Variants in PTPRM observed in about 807,000 individuals in gnomAD.
PTPRM encodes the protein receptor-type tyrosine-protein phosphatase mu.
Under a neutral mutation model 186.7 loss-of-function variants are expected in PTPRM, and 47 were observed. That is an observed-to-expected ratio of 0.25 (90% confidence interval 0.20 to 0.32). The LOEUF is 0.32. Ranked by LOEUF, PTPRM falls within the 10% of genes least tolerant of loss-of-function variation. The pLI, the probability that PTPRM is intolerant of heterozygous loss-of-function variation, is 1.00. For missense variants in PTPRM, 1,494 were observed against 1,865.0 expected, an observed-to-expected ratio of 0.80 and a Z score of 3.66; for synonymous variants, 668 against 674.9, an observed-to-expected ratio of 0.99 and a Z score of 0.16.
chr18:7,772,762 A>G (rs536999773), intron 1 of PTPRM, among the ~76,000 whole-genome samples: 4 of 152,096 alleles, frequency 2.6e-5, no homozygotes, highest in South Asian at 4.1e-4. Context: ...TGTTTTACTT[A>G]TCTTCTTGCC....
chr18:7,791,897 T>A (rs1264755931), intron 2 of PTPRM, among the ~76,000 whole-genome samples: 1 of 152,216 alleles, frequency 6.6e-6, no homozygotes, highest in East Asian at 1.9e-4. Flanking sequence ...AACAACTAGA[T>A]CTTACACAAG....
At chr18:7,775,515 G>A (rs949409064) in intron 2 of PTPRM, among the ~76,000 whole-genome samples, 3 of 152,056 alleles carry the variant, frequency 2.0e-5, no homozygotes, top group African/African-American at 7.2e-5. Flanking sequence ...TCCCAAACAG[G>A]TGTCTTCCCC....
At chr18:7,910,252 A>G (rs1465309291) in intron 4 of PTPRM, among the ~76,000 whole-genome samples, 1 of 152,192 alleles carries the variant, frequency 6.6e-6, no homozygotes, top group Non-Finnish European at 1.5e-5. Flanking sequence ...AACATCCCCC[A>G]AAAGACCCAC....
chr18:7,715,980 T>C (rs1452581776), intron 1 of PTPRM, among the ~76,000 whole-genome samples: 1 of 152,194 alleles, frequency 6.6e-6, no homozygotes, highest in African/African-American at 2.4e-5. Context: ...CAAGCTACTA[T>C]TGACTTTCTT....
chr18:8,229,212 CAGG>C (rs1349278231), intron 14 of PTPRM, among the ~76,000 whole-genome samples: 1 of 151,970 alleles, frequency 6.6e-6, no homozygotes, highest in Non-Finnish European at 1.5e-5. Context: ...CACTTTCTAA[CAGG>C]AGATGTTAGA....
chr18:8,243,436 T>C (rs888799558), intron 14 of PTPRM, among the ~76,000 whole-genome samples: 1 of 152,178 alleles, frequency 6.6e-6, no homozygotes, highest in African/African-American at 2.4e-5. Context: ...GACAGGGTCA[T>C]AGCCTTTTGA....
chr18:8,248,189 C>G lies in PTPRM; in HGVS notation c.2554+13C>G, dbSNP rs778318485. 3.9e-6 allele frequency: 6 copies of G among 1,525,786 alleles called. No homozygotes were observed. The highest frequency in any genetic ancestry group is 2.2e-5 in the South Asian group (2 of 89,228). 94.5% of individuals were successfully genotyped at this position (1,525,786 alleles called of 1,614,324 possible). ...ACTGCAATTTTAGGTGAGAACATTT[C>G]CCTTTACCACAGTTTATTGCAGGAG... is the stretch of plus-strand genomic sequence containing the variant. On this transcript the variant is annotated intron_variant, in intron 17 of 32. Transcript: ENST00000580170.
At chr18:7,894,206 T>G (rs2049226448) in intron 3 of PTPRM, among the ~76,000 whole-genome samples, 1 of 152,184 alleles carries the variant, frequency 6.6e-6, no homozygotes, top group Admixed American at 6.5e-5. Flanking sequence ...ATTTCCCATA[T>G]AGATTTCTTT....
intron 21 of PTPRM, among the ~76,000 whole-genome samples, chr18:8,317,746 G>A (rs1399060910): frequency 6.6e-6 from 1 of 152,184 alleles, no homozygotes; most frequent in Non-Finnish European, 1.5e-5. Context: ...CGATGGCCAA[G>A]TAGATAAGGA....
intron 3 of PTPRM, among the ~76,000 whole-genome samples, chr18:7,890,314 C>T (rs2049007120): frequency 6.6e-6 from 1 of 152,114 alleles, no homozygotes; most frequent in Non-Finnish European, 1.5e-5. Flanking sequence ...CTTTCCAGGG[C>T]TGCTTGTCTT....
At chr18:7,767,122 CTG>C (rs762170729) in intron 1 of PTPRM, among the ~76,000 whole-genome samples, 1 of 152,180 alleles carries the variant, frequency 6.6e-6, no homozygotes, top group Non-Finnish European at 1.5e-5. Context: ...TCCCCTTAGA[CTG>C]TGTGGCAGTG....
chr18:7,966,604 G>A (rs988392890), intron 7 of PTPRM, among the ~76,000 whole-genome samples: 7 of 141,920 alleles, frequency 4.9e-5, no homozygotes, highest in Non-Finnish European at 7.9e-5. Flanking sequence ...TGCGCGCACC[G>A]TGCGCGAGCC....
intron 9 of PTPRM, among the ~76,000 whole-genome samples, chr18:8,079,122 G>T (rs1217732082): frequency 1.3e-5 from 2 of 152,116 alleles, no homozygotes; most frequent in African/African-American, 4.8e-5. Context: ...TTTTCCAGGA[G>T]TTATGGCAGT....
intron 1 of PTPRM, among the ~76,000 whole-genome samples, chr18:7,748,399 C>G (rs2041049638): frequency 6.6e-6 from 1 of 152,078 alleles, no homozygotes; most frequent in South Asian, 2.1e-4. Context: ...GGAGGGAGTG[C>G]CCCCTTCTTC....
At chr18:8,124,751 A>G (rs1371580908) in intron 13 of PTPRM, among the ~76,000 whole-genome samples, 3 of 152,154 alleles carry the variant, frequency 2.0e-5, no homozygotes, top group African/African-American at 7.2e-5. Context: ...TCTATCTGTG[A>G]CCCATTCAAC....
In PTPRM at chr18:8,331,054, T is replaced by C. The variant is rs553272078; in HGVS notation, c.2956+11840T>C. ...TCCATATCCCATCACTCAAATCTGA[T>C]GGGTCTGCCTTTCTCGACCTGCTTT... On this transcript the variant is annotated intron_variant, in intron 22 of 32. Coordinates refer to ENST00000580170, the MANE Select transcript of PTPRM (RefSeq NM_001105244.2). Among the ~76,000 whole-genome samples the C allele has an allele frequency of 3.9e-5, 6 of 151,982 alleles. No individual in the cohort carries two copies. The East Asian group carries it at 7.8e-4, about 20-fold the overall frequency.
intron 4 of PTPRM, among the ~76,000 whole-genome samples, chr18:7,915,706 A>T (rs2050517645): frequency 6.6e-6 from 1 of 152,196 alleles, no homozygotes; most frequent in African/African-American, 2.4e-5. Flanking sequence ...AGGTTTAAGA[A>T]TTTTTGCATA....
intron 5 of PTPRM, among the ~76,000 whole-genome samples, chr18:7,948,026 G>T (rs1568056577): frequency 6.6e-6 from 1 of 151,826 alleles, no homozygotes; most frequent in Non-Finnish European, 1.5e-5. Flanking sequence ...TGGGCATTAC[G>T]CTTGGCATAA....
chr18:7,850,315 C>T (rs1233326353), intron 2 of PTPRM, among the ~76,000 whole-genome samples: 1 of 152,150 alleles, frequency 6.6e-6, no homozygotes, highest in African/African-American at 2.4e-5. Context: ...GGTTAATGTG[C>T]TTGTTTCAGA....
Sources: gnomAD v4.1 joint callset for allele counts (sites outside exome capture counted in the v4.1 genomes callset) on GRCh38, gnomAD v4.1.1 for gene constraint, MANE v1.5 for transcripts, NCBI Gene and HGNC (gene_info 2026-07-23, HGNC 2026-07-21) for gene names.